CLTA: variants seen among roughly 807,000 people sequenced by gnomAD.
CLTA encodes the protein clathrin light chain A, also known as clathrin, light polypeptide (Lca).
A neutral mutation model predicts 26.9 loss-of-function variants in CLTA; 9 were observed. The observed-to-expected ratio is 0.33, with a 90% CI of 0.20 to 0.58. CLTA has a LOEUF of 0.58. CLTA is among the 20% of genes least tolerant of loss of function. The probability of loss-of-function intolerance (pLI) is 0.85; values close to 1 mark genes in which losing one functional copy is unlikely to be tolerated. For missense variants in CLTA, 278 were observed against 294.2 expected (o/e 0.94, Z 0.40); for synonymous variants, 120 against 115.5 (o/e 1.04, Z -0.25).
chr9:36,204,532 T>C (rs995329580), intron 4 of CLTA, among the ~76,000 whole-genome samples: 3 of 152,158 alleles, frequency 2.0e-5, no homozygotes, highest in African/African-American at 7.2e-5. Context: ...GATTATAGAC[T>C]TGGTCATGTT....
At chr9:36,205,417 T>C (rs562696550) in intron 4 of CLTA, among the ~76,000 whole-genome samples, 64 of 152,156 alleles carry the variant, frequency 4.2e-4, no homozygotes, top group Non-Finnish European at 8.1e-4. Context: ...TCCTGTGTCC[T>C]CTGCTCCCTC....
rs772444406 is a variant in CLTA, at chr9:36,204,031, C to A, written c.374-37C>A. 1.9e-6 allele frequency: 3 copies of A among 1,611,930 alleles called. No homozygotes were observed. In the African/African-American group the frequency reaches 4.0e-5, roughly 22 times the overall value. ...TGATGAACTTCAGTTTGCACTTTGCCTCAATTGTATTGTCTTTCTCTTCTC... is the reference window on the plus strand; with the variant it reads ...TGATGAACTTCAGTTTGCACTTTGCATCAATTGTATTGTCTTTCTCTTCTC... On this transcript the variant is annotated intron_variant, in intron 3 of 4. Coordinates refer to ENST00000345519, the MANE Select transcript of CLTA (RefSeq NM_001833.4).
At chr9:36,196,915 C>T (rs1827081473) in intron 1 of CLTA, among the ~76,000 whole-genome samples, 1 of 152,176 alleles carries the variant, frequency 6.6e-6, no homozygotes, top group Non-Finnish European at 1.5e-5. Flanking sequence ...TGGCTCATGC[C>T]TGTAATCCAA....
rs749946417 is a variant in CLTA at position 36,211,642 on chromosome 9, G to C, written c.525G>C (p.Ser175=). The change falls in exon 5 of 5, where the codon TCG becomes TCC. Residue 175 remains serine (S), a synonymous_variant. Coordinates refer to ENST00000345519, the MANE Select transcript of CLTA (RefSeq NM_001833.4). ...CCTTTGTAAATGACATTGACGAGTC[G>C]TCCCCAGGCACTGAGTGGGAACGGG... ...EEAFVNDIDE[S]SPGTEWERVA... is the part of the protein sequence containing the mutation. 9 of 1,613,628 alleles carry C rather than the reference G, an allele frequency of 5.6e-6. No individual in the cohort carries two copies. The highest frequency in any genetic ancestry group is 7.6e-6 in the Non-Finnish European group (9 of 1,179,708).
At chr9:36,209,436 C>T in intron 4 of CLTA, 1 of 795,328 alleles carries the variant, frequency 1.3e-6, no homozygotes, top group Non-Finnish European at 2.1e-6. Flanking sequence ...CAAATTGGCA[C>T]TTTGGGGGCT....
At chr9:36,193,017 A>C (rs1826824048) in intron 1 of CLTA, among the ~76,000 whole-genome samples, 1 of 152,224 alleles carries the variant, frequency 6.6e-6, no homozygotes, top group Non-Finnish European at 1.5e-5. Flanking sequence ...AAAATGTCAG[A>C]TCCAAGGGTC....
intron 4 of CLTA, among the ~76,000 whole-genome samples, chr9:36,208,779 C>T (rs995458803): frequency 2.0e-5 from 3 of 152,148 alleles, no homozygotes; most frequent in African/African-American, 7.2e-5. Context: ...CATGACTATA[C>T]AGTAGAAAGA....
chr9:36,195,322 A>G (rs1477656934), intron 1 of CLTA, among the ~76,000 whole-genome samples: 1 of 152,254 alleles, frequency 6.6e-6, no homozygotes, highest in Non-Finnish European at 1.5e-5. Flanking sequence ...CAAGTGTTAA[A>G]TACCATAAAC....
At chr9:36,209,085 G>A (rs62541769) in intron 4 of CLTA, 7,487 of 205,132 alleles carry the variant, frequency 0.036, 185 homozygotes, top group Non-Finnish European at 0.048. Context: ...GAAGGCCAGC[G>A]GGAAACCAGG....
intron 3 of CLTA, among the ~76,000 whole-genome samples, chr9:36,202,313 C>T (rs1369827687): frequency 6.6e-6 from 1 of 152,152 alleles, no homozygotes; most frequent in Non-Finnish European, 1.5e-5. Context: ...CAGGTTGTTA[C>T]TATAAGACCT....
At chr9:36,210,339 T>C (rs902881595) in intron 4 of CLTA, among the ~76,000 whole-genome samples, 1 of 152,164 alleles carries the variant, frequency 6.6e-6, no homozygotes, top group Admixed American at 6.5e-5. Context: ...CTGGGTTTCC[T>C]GGGCCCCCAG....
chr9:36,205,143 A>C (rs939708882), intron 4 of CLTA, among the ~76,000 whole-genome samples: 7 of 152,208 alleles, frequency 4.6e-5, no homozygotes, highest in African/African-American at 1.4e-4. Context: ...ATGACAGAGC[A>C]GTTGGACTCT....
intron 4 of CLTA, among the ~76,000 whole-genome samples, chr9:36,207,680 G>A (rs1193094915): frequency 6.6e-6 from 1 of 152,210 alleles, no homozygotes; most frequent in Non-Finnish European, 1.5e-5. Flanking sequence ...CTGCAACCTT[G>A]ACAGGGGATG....
At chr9:36,210,450 C>A in intron 4 of CLTA, 1 of 368,356 alleles carries the variant, frequency 2.7e-6, no homozygotes, top group Non-Finnish European at 3.8e-6. Flanking sequence ...CTGGAAAGGT[C>A]GAGTCTGGTT....
rs1230168185 is a variant in CLTA, at chr9:36,190,983, C to A, written c.-74C>A. ...CTCCCAGTCGGCACCACAGCGGTGG[C>A]TGCCGGGCGTGGTGTCGGTGGGTCG... On this transcript the variant is annotated 5_prime_UTR_variant, in exon 1 of 5. It adds an upstream start codon to the 5' untranslated region. Transcript: ENST00000345519. The A allele has an allele frequency of 8.2e-6, 12 of 1,460,280 alleles. No individual in the cohort carries two copies. The highest frequency in any genetic ancestry group is 1.1e-5 in the Non-Finnish European group (12 of 1,116,428). The allele number at this position is 1,460,280 out of a possible 1,614,324, so 90.5% of individuals were successfully genotyped here.
chr9:36,204,014 T>C, intron 3 of CLTA, 54 bp from the exon 4 acceptor site: 1 of 1,606,568 alleles, frequency 6.2e-7, no homozygotes, highest in Non-Finnish European at 8.5e-7. Context: ...ACTGATGAAC[T>C]TCAGTTTGCA....
chr9:36,209,472 G>A (rs1439096293), intron 4 of CLTA: 2 of 646,192 alleles, frequency 3.1e-6, no homozygotes, highest in African/African-American at 3.7e-5. Flanking sequence ...AGCGGGGTAT[G>A]ATCTGTTGAT....
At chr9:36,211,517 T>C (rs1828038116) in intron 4 of CLTA, 86 bp from the exon 5 acceptor site, 1 of 1,491,890 alleles carries the variant, frequency 6.7e-7, no homozygotes, top group Non-Finnish European at 9.1e-7. Flanking sequence ...AAGGGACAAA[T>C]AGGCAGTTGC....
At chr9:36,196,529 A>G (rs1400179312) in intron 1 of CLTA, among the ~76,000 whole-genome samples, 1 of 151,418 alleles carries the variant, frequency 6.6e-6, no homozygotes, top group African/African-American at 2.4e-5. Flanking sequence ...TATTTTTAGT[A>G]TATGGAGGTG....
Sources: gnomAD v4.1 joint callset for allele counts (sites outside exome capture counted in the v4.1 genomes callset) on GRCh38, gnomAD v4.1.1 for gene constraint, MANE v1.5 for transcripts, NCBI Gene and HGNC (gene_info 2026-07-23, HGNC 2026-07-21) for gene names.